Variants in TYR observed in about 807,000 individuals in gnomAD.
TYR encodes LB24-AB.
A neutral mutation model predicts 51.5 loss-of-function variants in TYR; 58 were observed. The ratio of observed to expected loss-of-function variants is 1.13; its 90% CI spans 0.91 to 1.40. The LOEUF (loss-of-function observed/expected upper bound fraction) is 1.40, where lower values mean the gene tolerates loss of function less well. TYR is among the 40% of genes most tolerant of loss of function. The probability of loss-of-function intolerance (pLI) is 0.00; values close to 1 mark genes in which losing one functional copy is unlikely to be tolerated. For missense variants in TYR, 732 were observed against 647.4 expected (o/e 1.13, Z -1.42); for synonymous variants, 263 against 235.2 (o/e 1.12, Z -1.08).
chr11:89,275,658 A>G (rs1944645709), intron 3 of TYR, among the ~76,000 whole-genome samples: 1 of 151,908 alleles, frequency 6.6e-6, no homozygotes, highest in Non-Finnish European at 1.5e-5. Context: ...CAGCTAGAGT[A>G]GGCTCAGATT....
chr11:89,250,135 T>C (rs1427682051), intron 3 of TYR, among the ~76,000 whole-genome samples: 1 of 152,032 alleles, frequency 6.6e-6, no homozygotes, highest in Non-Finnish European at 1.5e-5. Flanking sequence ...ATCCATTATT[T>C]ATGTCATTAA....
chr11:89,195,138 C>T (rs926175943), intron 2 of TYR, among the ~76,000 whole-genome samples: 1 of 152,146 alleles, frequency 6.6e-6, no homozygotes, highest in Non-Finnish European at 1.5e-5. Context: ...ATACTCTGCT[C>T]TCTCAATAAA....
At chr11:89,248,788 G>A (rs1944297771) in intron 3 of TYR, among the ~76,000 whole-genome samples, 1 of 152,132 alleles carries the variant, frequency 6.6e-6, no homozygotes, top group African/African-American at 2.4e-5. Context: ...TATTGCATTG[G>A]TCTAAATGAG....
intron 1 of TYR, among the ~76,000 whole-genome samples, chr11:89,187,293 G>A (rs918895969): frequency 3.3e-5 from 5 of 152,080 alleles, no homozygotes; most frequent in Non-Finnish European, 4.4e-5. Context: ...TAAGACAGAC[G>A]AGGAAGAGCT....
At chr11:89,245,094 T>C (rs1944247212) in intron 3 of TYR, among the ~76,000 whole-genome samples, 2 of 152,200 alleles carry the variant, frequency 1.3e-5, no homozygotes, top group African/African-American at 2.4e-5. Flanking sequence ...GGAATACAAT[T>C]TTATGACTGG....
At chr11:89,193,214 G>T (rs1164094661) in intron 2 of TYR, among the ~76,000 whole-genome samples, 1 of 152,108 alleles carries the variant, frequency 6.6e-6, no homozygotes, top group Non-Finnish European at 1.5e-5. Context: ...AAGGAAACTG[G>T]AGCATTTTGC....
intron 3 of TYR, among the ~76,000 whole-genome samples, chr11:89,245,123 G>A (rs1944247793): frequency 6.6e-6 from 1 of 152,188 alleles, no homozygotes; most frequent in African/African-American, 2.4e-5. Flanking sequence ...TGAAGAATGA[G>A]TAGATTTTTT....
At chr11:89,228,884 A>G (rs562392733) in intron 3 of TYR, among the ~76,000 whole-genome samples, 6 of 152,248 alleles carry the variant, frequency 3.9e-5, no homozygotes, top group African/African-American at 1.4e-4. Context: ...TTCAAGAAGA[A>G]AGGAGAAAAT....
chr11:89,284,360 C>A (rs1274576656), intron 3 of TYR, among the ~76,000 whole-genome samples: 3 of 151,614 alleles, frequency 2.0e-5, no homozygotes, highest in African/African-American at 7.3e-5. Flanking sequence ...CCACCAGAAC[C>A]AAAAAAATGA....
intron 3 of TYR, among the ~76,000 whole-genome samples, chr11:89,275,247 G>A (rs1944639566): frequency 6.6e-6 from 1 of 151,906 alleles, no homozygotes; most frequent in Non-Finnish European, 1.5e-5. Flanking sequence ...AAGATGCCTA[G>A]TTCTCACTTC....
chr11:89,262,847 C>CAAAAAAAAAAAAAAAAAAAAAAAAAAAAA (rs771958187), intron 3 of TYR, among the ~76,000 whole-genome samples: 2 of 19,294 alleles, frequency 1.0e-4, no homozygotes, highest in African/African-American at 3.0e-4. Context: ...GCTACTCATC[C>CAAAAAAAAAAAAAAAAAAAAAAAAAAAAA]AAAAAAAAAA....
chr11:89,260,213 A>C (rs1028306612), intron 3 of TYR, among the ~76,000 whole-genome samples: 10 of 151,716 alleles, frequency 6.6e-5, no homozygotes, highest in African/African-American at 2.4e-4. Context: ...CTGAACTTCT[A>C]CTTCCATTGA....
At position 89,295,672 on chromosome 11, in the gene TYR, A is replaced by T. The variant is rs1290896022; in HGVS notation, c.*306A>T. The T allele has an allele frequency of 3.1e-6, 1 of 322,098 alleles. No individual in the cohort carries two copies. Among genetic ancestry groups the T allele is most frequent in the East Asian group, 7.4e-5 (1 of 13,564 alleles). 20.0% of individuals were successfully genotyped at this position (322,098 alleles called of 1,614,324 possible). A position where few individuals can be genotyped will look rare whatever the true frequency, so the allele number is the denominator to read the frequency against. ...TGCTCTTATTTTAAAAAATTGAAAT[A>T]ATTTTGATTTTTGCCTTCTGATTAT... is the stretch of plus-strand genomic sequence containing the variant. On this transcript the variant is annotated 3_prime_UTR_variant, in exon 5 of 5. Transcript: ENST00000263321.
intron 3 of TYR, among the ~76,000 whole-genome samples, chr11:89,244,035 C>T (rs538466751): frequency 6.2e-4 from 95 of 152,030 alleles, no homozygotes; most frequent in African/African-American, 1.9e-3. Flanking sequence ...ATTTTATTTC[C>T]TTTGTGTTTT....
chr11:89,230,927 C>T (rs1944038470), intron 3 of TYR, among the ~76,000 whole-genome samples: 1 of 149,312 alleles, frequency 6.7e-6, no homozygotes, highest in African/African-American at 2.5e-5. Context: ...AAAAGAGGGA[C>T]TTTAGGAAGC....
At chr11:89,218,584 C>A (rs1700663839) in intron 2 of TYR, among the ~76,000 whole-genome samples, 1 of 152,224 alleles carries the variant, frequency 6.6e-6, no homozygotes, top group South Asian at 2.1e-4. Context: ...TTGACAAATT[C>A]TTTCCTACAT....
rs574388052 is a variant in TYR, at chr11:89,217,796, T to C, written c.1037-10027T>C. Among the ~76,000 whole-genome samples the C allele has an allele frequency of 2.6e-4, 39 of 152,338 alleles. 1 individual carries two copies. In the South Asian group the frequency reaches 7.9e-3, roughly 31 times the overall value. On this transcript the variant is annotated intron_variant, in intron 2 of 4. Transcript: ENST00000263321. Reference sequence around the variant, plus strand: ...ATAGATAATTTTCTCTTTCTTACCATTGCTTGCTGCCCTACTCTTTCTGAA... The same window carrying C: ...ATAGATAATTTTCTCTTTCTTACCACTGCTTGCTGCCCTACTCTTTCTGAA...
chr11:89,285,045 AT>A, intron 4 of TYR, 91 bp downstream of exon 4: 1 of 1,073,014 alleles, frequency 9.3e-7, no homozygotes, highest in Non-Finnish European at 1.4e-6. Context: ...CGACAATGTT[AT>A]TCCTGAACAC....
chr11:89,199,195 A>G (rs1327428929), intron 2 of TYR, among the ~76,000 whole-genome samples: 2 of 152,128 alleles, frequency 1.3e-5, no homozygotes, highest in Non-Finnish European at 2.9e-5. Context: ...AGTCTTTGCT[A>G]TTGTGAATAG....
Sources: gnomAD v4.1 joint callset for allele counts (sites outside exome capture counted in the v4.1 genomes callset) on GRCh38, gnomAD v4.1.1 for gene constraint, MANE v1.5 for transcripts, NCBI Gene and HGNC (gene_info 2026-07-23, HGNC 2026-07-21) for gene names.